CRTAP: variants seen among roughly 807,000 people sequenced by gnomAD.
CRTAP encodes cartilage associated protein.
CRTAP carries 33 observed loss-of-function variants against 42.7 expected under a neutral mutation model. The observed-to-expected ratio is 0.77, with a 90% confidence interval of 0.59 to 1.03. The LOEUF is 1.03. CRTAP is among the 50% of genes least tolerant of loss of function. CRTAP has a pLI of 0.00. For missense variants in CRTAP, 613 were observed against 533.9 expected (o/e 1.15, Z -1.46); for synonymous variants, 243 against 217.7 (o/e 1.12, Z -1.02).
At chr3:33,133,509 C>G (rs867412365) in intron 5 of CRTAP, among the ~76,000 whole-genome samples, 1 of 63,712 alleles carries the variant, frequency 1.6e-5, no homozygotes, top group African/African-American at 9.0e-5. Context: ...CTCAGCCTTT[C>G]AAAGTGCTGG....
chr3:33,130,490 A>C (rs888152208), intron 4 of CRTAP, among the ~76,000 whole-genome samples: 1 of 85,320 alleles, frequency 1.2e-5, no homozygotes, highest in African/African-American at 4.4e-5. Context: ...GTTAGAGTTT[A>C]TTTTCTTTTC....
intron 3 of CRTAP, 118 bp from the exon 4 acceptor site, chr3:33,129,821 G>A (rs889104263): frequency 8.2e-6 from 8 of 976,158 alleles, no homozygotes; most frequent in East Asian, 5.5e-5. Context: ...ACAGGCGTGA[G>A]CCACCGCGCC....
Position 33,131,312 on chromosome 3 carries a change from G to A in CRTAP, c.923-1243G>A, listed in dbSNP as rs978963329. Among the ~76,000 whole-genome samples the A allele has an allele frequency of 4.0e-5, 6 of 151,512 alleles. No individual in the cohort carries two copies. The East Asian group carries it at 5.8e-4, about 15-fold the overall frequency. ...TCACCTCCCATCCTCTTCAGAACAC[G>A]TAAGCCTTGCACCCTGAAGGTCAGA... On this transcript the variant is annotated intron_variant, in intron 4 of 6. Transcript: ENST00000320954.
chr3:33,141,304 A>G (rs766556036), intron 6 of CRTAP, among the ~76,000 whole-genome samples: 1 of 152,238 alleles, frequency 6.6e-6, no homozygotes, highest in Non-Finnish European at 1.5e-5. Flanking sequence ...AGCTATACAC[A>G]TAATCCCTCT....
At chr3:33,119,090 T>C (rs1025909550) in intron 1 of CRTAP, among the ~76,000 whole-genome samples, 3 of 152,182 alleles carry the variant, frequency 2.0e-5, no homozygotes, top group African/African-American at 7.2e-5. Context: ...TTCAAGTGAA[T>C]AATTTGCTGG....
chr3:33,136,239 CTG>C (rs1032116534), intron 6 of CRTAP, among the ~76,000 whole-genome samples: 2 of 152,234 alleles, frequency 1.3e-5, no homozygotes, highest in African/African-American at 4.8e-5. Flanking sequence ...AAAATTTCCT[CTG>C]TACTACCAAG....
chr3:33,114,352 C>T lies in CRTAP; in HGVS notation c.275C>T (p.Pro92Leu). 1 of 1,524,930 alleles carries T rather than the reference C, an allele frequency of 6.6e-7. No individual in the cohort carries two copies. The highest frequency in any genetic ancestry group is 1.2e-5 in the South Asian group (1 of 82,634). 94.5% of individuals were successfully genotyped at this position (1,524,930 alleles called of 1,614,324 possible). ...TGCCACCGCAACTGCAGCGCCGCGC[C>T]GCAGCCCGAGCCCGCCGCCGGCCTC... is the stretch of plus-strand genomic sequence containing the variant. ...AFCHRNCSAAPQPEPAAGLAS... is the reference protein window; with the variant it reads ...AFCHRNCSAALQPEPAAGLAS... The change falls in exon 1 of 7, where the codon CCG becomes CTG. Residue 92 changes from proline (P) to leucine (L), a missense_variant. Coordinates refer to ENST00000320954, the MANE Select transcript of CRTAP (RefSeq NM_006371.5).
At chr3:33,135,858 C>G (rs2030405809) in intron 6 of CRTAP, among the ~76,000 whole-genome samples, 1 of 151,884 alleles carries the variant, frequency 6.6e-6, no homozygotes, top group Non-Finnish European at 1.5e-5. Context: ...TTATATTTTT[C>G]TAAAACAGCT....
chr3:33,137,236 G>A (rs1016402359), intron 6 of CRTAP, among the ~76,000 whole-genome samples: 4 of 152,052 alleles, frequency 2.6e-5, no homozygotes, highest in Admixed American at 6.6e-5. Context: ...CGCCTCCCAG[G>A]TTCAAGTGAT....
At chr3:33,117,615 G>A (rs535853202) in intron 1 of CRTAP, among the ~76,000 whole-genome samples, 1 of 152,346 alleles carries the variant, frequency 6.6e-6, no homozygotes, top group Non-Finnish European at 1.5e-5. Context: ...TGACTCACAG[G>A]CACTGTTAAC....
chr3:33,138,336 G>C (rs1447039895), intron 6 of CRTAP, among the ~76,000 whole-genome samples: 1 of 152,118 alleles, frequency 6.6e-6, no homozygotes, highest in South Asian at 2.1e-4. Context: ...TCTCTTTGGG[G>C]AGTATTGGCT....
intron 6 of CRTAP, among the ~76,000 whole-genome samples, chr3:33,136,491 C>T (rs1320966387): frequency 6.6e-6 from 1 of 152,172 alleles, no homozygotes; most frequent in African/African-American, 2.4e-5. Context: ...TGGTTCATGC[C>T]TGTAATCCCA....
intron 2 of CRTAP, among the ~76,000 whole-genome samples, chr3:33,120,989 G>T (rs375501767): frequency 6.6e-6 from 1 of 152,290 alleles, no homozygotes; most frequent in African/African-American, 2.4e-5. Flanking sequence ...GTTTTGATGA[G>T]AATTAGTCGT....
intron 1 of CRTAP, among the ~76,000 whole-genome samples, chr3:33,116,831 C>G (rs192702125): frequency 2.0e-5 from 3 of 152,040 alleles, no homozygotes; most frequent in African/African-American, 4.8e-5. Context: ...TATGGCTTGG[C>G]ATGATGGCTC....
chr3:33,141,587 C>G (rs931221839), intron 6 of CRTAP, among the ~76,000 whole-genome samples: 4 of 152,090 alleles, frequency 2.6e-5, no homozygotes, highest in African/African-American at 9.7e-5. Flanking sequence ...TGAAGGAGGT[C>G]GAGTTTTAGC....
chr3:33,129,600 C>T (rs1264656299), intron 3 of CRTAP, among the ~76,000 whole-genome samples: 10 of 142,508 alleles, frequency 7.0e-5, no homozygotes, highest in Non-Finnish European at 9.0e-5. Context: ...TGCAGTGGCG[C>T]GATCTCGGCT....
intron 3 of CRTAP, among the ~76,000 whole-genome samples, chr3:33,129,256 A>G (rs2030166660): frequency 6.6e-6 from 1 of 152,248 alleles, no homozygotes; most frequent in Non-Finnish European, 1.5e-5. Flanking sequence ...TCAACAGAAT[A>G]TGAGAGTGTA....
chr3:33,127,671 C>G (rs1321501812), intron 3 of CRTAP, among the ~76,000 whole-genome samples: 1 of 152,108 alleles, frequency 6.6e-6, no homozygotes, highest in African/African-American at 2.4e-5. Flanking sequence ...TGGTCTCGAA[C>G]TCCTGACCTC....
intron 6 of CRTAP, among the ~76,000 whole-genome samples, chr3:33,136,368 C>T (rs1157827734): frequency 6.6e-6 from 1 of 152,172 alleles, no homozygotes; most frequent in Non-Finnish European, 1.5e-5. Context: ...CATTTGTGTA[C>T]AAATTTTTGT....
Sources: allele counts gnomAD v4.1 joint callset (sites outside exome capture counted in the v4.1 genomes callset), GRCh38; gene constraint gnomAD v4.1.1; transcripts MANE v1.5; gene names NCBI Gene and HGNC (gene_info 2026-07-23, HGNC 2026-07-21).